Variants in CFAP77 observed in about 807,000 individuals in gnomAD.
CFAP77 encodes cilia and flagella associated protein 77.
A neutral mutation model predicts 31.1 loss-of-function variants in CFAP77; 25 were observed. The observed-to-expected ratio is 0.80, with a 90% CI of 0.59 to 1.12. The LOEUF is 1.12. Among genes scored for constraint, CFAP77 ranks in the 50% most tolerant of loss-of-function variants. CFAP77 has a pLI of 0.00. For synonymous variants in CFAP77, 151 were observed against 159.9 expected, an observed-to-expected ratio of 0.94 and a Z score of 0.42; for missense variants, 377 against 397.3, an observed-to-expected ratio of 0.95 and a Z score of 0.44.
chr9:132,477,053 A>G (rs1851357334), intron 1 of CFAP77, among the ~76,000 whole-genome samples: 1 of 152,306 alleles, frequency 6.6e-6, no homozygotes, highest in Admixed American at 6.5e-5. Flanking sequence ...CGGAGCTGCA[A>G]GCAGCCTCGT....
At chr9:132,466,324 C>T (rs1014459704) in intron 1 of CFAP77, among the ~76,000 whole-genome samples, 7 of 152,258 alleles carry the variant, frequency 4.6e-5, no homozygotes, top group East Asian at 3.9e-4. Flanking sequence ...GGACCCATCC[C>T]GGGATGCCTT....
chr9:132,418,613 C>A (rs62576558), intron 1 of CFAP77, among the ~76,000 whole-genome samples: 2,519 of 152,352 alleles, frequency 0.017, 24 homozygotes, highest in Middle Eastern at 0.027. Context: ...ATGTAGCTTA[C>A]ATGAGTTTGC....
Position 132,480,900 on chromosome 9 carries a change from GC to G in CFAP77, c.196-17790del, listed in dbSNP as rs1450496574. On this transcript the variant is annotated intron_variant, in intron 1 of 5. Transcript: ENST00000393216. The surrounding 1 kb of genome is among the most constrained non-coding windows in gnomAD (Gnocchi z 5.8). ...TGAGGCCAAGGCTAGGAGCAGAGGT[GC>G]CCCCATTGTGGTCCGGGGGCCCCTG... 2.0e-5 allele frequency among the ~76,000 whole-genome samples: 3 copies of G among 152,114 alleles called. No homozygotes were observed. The highest frequency in any genetic ancestry group is 7.2e-5 in the African/African-American group (3 of 41,412).
At chr9:132,478,648 C>A (rs757814848) in intron 1 of CFAP77, among the ~76,000 whole-genome samples, 4 of 152,118 alleles carry the variant, frequency 2.6e-5, no homozygotes, top group Non-Finnish European at 5.9e-5. Context: ...TGGGGCCCGG[C>A]GTGGGCTGGA....
intron 3 of CFAP77, among the ~76,000 whole-genome samples, chr9:132,505,249 G>A (rs1212969868): frequency 1.3e-5 from 2 of 152,194 alleles, no homozygotes; most frequent in Admixed American, 6.5e-5. Flanking sequence ...ATTGTGGTGA[G>A]GGGTGCACCC....
rs1345883889 is a variant in CFAP77 at position 132,499,851 on chromosome 9, G to A, written c.524+251G>A. The stretch of plus-strand genomic sequence containing the variant: ...CACTTTCCCTTGATCAACAAACAGT[G>A]ATTGAGACCTGTCCCTGGGCCAGGC... On this transcript the variant is annotated intron_variant, in intron 3 of 5. Transcript: ENST00000393216. The surrounding 1 kb of genome is among the most constrained non-coding windows in gnomAD (Gnocchi z 5.4). Among the ~76,000 whole-genome samples the A allele has an allele frequency of 6.6e-6, 1 of 152,142 alleles. No homozygotes were observed. The highest frequency in any genetic ancestry group is 1.5e-5 in the Non-Finnish European group (1 of 68,022).
chr9:132,423,739 C>T (rs941335421), intron 1 of CFAP77, among the ~76,000 whole-genome samples: 3 of 152,190 alleles, frequency 2.0e-5, no homozygotes, highest in African/African-American at 4.8e-5. Context: ...CTGCAAGCTC[C>T]GTGTCTTGAG....
chr9:132,522,068 T>G (rs1347788888), intron 3 of CFAP77, among the ~76,000 whole-genome samples: 1 of 152,090 alleles, frequency 6.6e-6, no homozygotes, highest in African/African-American at 2.4e-5. Context: ...GGCCCCAGAC[T>G]TGCATTTTTT....
rs1484331708 is a variant in CFAP77, at chr9:132,424,776, C to T, written c.195+14310C>T. Among the ~76,000 whole-genome samples the T allele has an allele frequency of 6.6e-6, 1 of 152,216 alleles. No individual in the cohort carries two copies. The highest frequency in any genetic ancestry group is 1.5e-5 in the Non-Finnish European group (1 of 68,032). On this transcript the variant is annotated intron_variant, in intron 1 of 5. Coordinates refer to ENST00000393216, the MANE Select transcript of CFAP77 (RefSeq NM_001282957.2). This position sits in a 1 kb window ranked among gnomAD's most constrained non-coding sequence, Gnocchi z 4.1. ...TATTCCAAACGTGCGCATCTGCCGG[C>T]CAGGGAGCCAGGATGGCTGGGGGCA...
intron 1 of CFAP77, among the ~76,000 whole-genome samples, chr9:132,443,438 A>G (rs1850653406): frequency 6.6e-6 from 1 of 151,938 alleles, no homozygotes; most frequent in South Asian, 2.1e-4. Context: ...TTTTTAGTAG[A>G]GTTGGGGTTT....
At chr9:132,532,633 TG>T (rs1708446414) in intron 3 of CFAP77, among the ~76,000 whole-genome samples, 1 of 152,240 alleles carries the variant, frequency 6.6e-6, no homozygotes, top group Admixed American at 6.5e-5. Context: ...GGTCCTGAGC[TG>T]TGTGACCCTG....
rs1319122690 is a variant in CFAP77, at chr9:132,554,354, T to A, written c.732+11307T>A. ...GCAACCCTTATTTTTATTTTATTTA[T>A]TTTTTTTTTTGAGACAGGCTCTCAC... On this transcript the variant is annotated intron_variant, in intron 5 of 5. Transcript: ENST00000393216. This position sits in a 1 kb window ranked among gnomAD's most constrained non-coding sequence, Gnocchi z 4.1. Among the ~76,000 whole-genome samples the A allele has an allele frequency of 2.2e-5, 3 of 134,808 alleles. No homozygotes were observed. Among genetic ancestry groups the A allele is most frequent in the African/African-American group, 3.2e-5 (1 of 31,504 alleles). 88.4% of individuals were successfully genotyped at this position (134,808 alleles called of 152,430 possible).
chr9:132,519,434 G>A, intron 3 of CFAP77, among the ~76,000 whole-genome samples: 1 of 136,320 alleles, frequency 7.3e-6, no homozygotes, highest in Non-Finnish European at 1.6e-5. Context: ...ATGAGTGGGT[G>A]GGTGGATGCA....
rs921256011 is a variant in CFAP77 at position 132,511,976 on chromosome 9, C to A, written c.524+12376C>A. The stretch of plus-strand genomic sequence containing the variant: ...GGCTGAGGCAGGAGAATCACTTGAA[C>A]CTGGGAGGCAGAGGTTGCAGTGAGC... On this transcript the variant is annotated intron_variant, in intron 3 of 5. Coordinates refer to ENST00000393216, the MANE Select transcript of CFAP77 (RefSeq NM_001282957.2). This position sits in a 1 kb window ranked among gnomAD's most constrained non-coding sequence, Gnocchi z 5.8. Among the ~76,000 whole-genome samples, 1 of 152,104 alleles carries A rather than the reference C, an allele frequency of 6.6e-6. No homozygotes were observed. The highest frequency in any genetic ancestry group is 2.1e-4 in the South Asian group (1 of 4,822).
At chr9:132,459,623 ATG>A (rs778896890) in intron 1 of CFAP77, among the ~76,000 whole-genome samples, 24 of 149,254 alleles carry the variant, frequency 1.6e-4, no homozygotes, top group Admixed American at 3.3e-4. Context: ...GTGTATGTAT[ATG>A]TGTGTATACA....
intron 1 of CFAP77, among the ~76,000 whole-genome samples, chr9:132,415,462 C>G (rs539285571): frequency 1.3e-5 from 2 of 151,990 alleles, no homozygotes; most frequent in Admixed American, 1.3e-4. Context: ...GCCGGAGGAG[C>G]CTGCTGTCCT....
At chr9:132,570,472 C>T (rs750235110) in intron 5 of CFAP77, among the ~76,000 whole-genome samples, 5 of 152,194 alleles carry the variant, frequency 3.3e-5, no homozygotes, top group Admixed American at 6.5e-5. Flanking sequence ...ACTGGTGCTG[C>T]GGCTGGGCTG....
chr9:132,548,575 C>T (rs1372564439), intron 5 of CFAP77, among the ~76,000 whole-genome samples: 1 of 152,090 alleles, frequency 6.6e-6, no homozygotes, highest in Non-Finnish European at 1.5e-5. Flanking sequence ...AGCAGCGAGG[C>T]CTGCTGACTT....
intron 1 of CFAP77, among the ~76,000 whole-genome samples, chr9:132,422,193 G>C (rs1262402197): frequency 6.6e-6 from 1 of 152,210 alleles, no homozygotes; most frequent in African/African-American, 2.4e-5. Flanking sequence ...ATTTTTAGTA[G>C]ATAGGGGGTT....
Sources: allele counts gnomAD v4.1 joint callset (sites outside exome capture counted in the v4.1 genomes callset), GRCh38; gene constraint gnomAD v4.1.1; non-coding constraint Gnocchi (gnomAD v3.1); transcripts MANE v1.5; gene names NCBI Gene and HGNC (gene_info 2026-07-23, HGNC 2026-07-21).